The following NRG3 variants were observed in gnomAD, a reference collection of about 807,000 sequenced individuals.
NRG3 encodes the protein pro-neuregulin-3, membrane-bound isoform.
In NRG3, 31 loss-of-function variants were observed where a neutral mutation model predicts 66.9. The ratio of observed to expected loss-of-function variants is 0.46; its 90% CI spans 0.35 to 0.63. The LOEUF (loss-of-function observed/expected upper bound fraction) is 0.63. Ranked by LOEUF, NRG3 falls within the 20% of genes least tolerant of loss-of-function variation. The probability of loss-of-function intolerance (pLI) is 0.00; values close to 1 mark genes in which losing one functional copy is unlikely to be tolerated. For synonymous variants in NRG3, 393 were observed against 359.4 expected, an observed-to-expected ratio of 1.09 and a Z score of -1.06; for missense variants, 910 against 878.9, an observed-to-expected ratio of 1.04 and a Z score of -0.45.
chr10:82,441,140 T>G (rs1024500963), intron 2 of NRG3, among the ~76,000 whole-genome samples: 2 of 152,254 alleles, frequency 1.3e-5, no homozygotes, highest in African/African-American at 4.8e-5. Context: ...TTAGAAGTAA[T>G]AGTTTTATCT....
At chr10:82,655,157 T>C (rs1021216099) in intron 2 of NRG3, among the ~76,000 whole-genome samples, 4 of 151,934 alleles carry the variant, frequency 2.6e-5, no homozygotes, top group African/African-American at 9.7e-5. Context: ...TTAGAAATAG[T>C]ACAGTGAAAG....
chr10:81,899,811 A>G (rs1281403646), intron 1 of NRG3, among the ~76,000 whole-genome samples: 3 of 152,040 alleles, frequency 2.0e-5, no homozygotes, highest in Non-Finnish European at 4.4e-5. Flanking sequence ...TGGGCCTCTG[A>G]TAGTTGAATG....
chr10:81,926,673 C>A (rs1253107922), intron 1 of NRG3, among the ~76,000 whole-genome samples: 1 of 151,842 alleles, frequency 6.6e-6, no homozygotes, highest in Non-Finnish European at 1.5e-5. Context: ...ACTTATTAAC[C>A]CTGCCTTCCC....
At chr10:82,228,776 T>C (rs898105987) in intron 1 of NRG3, among the ~76,000 whole-genome samples, 1 of 152,204 alleles carries the variant, frequency 6.6e-6, no homozygotes, top group African/African-American at 2.4e-5. Context: ...GAGCCCAGTA[T>C]GCCATTTCAG....
At chr10:82,524,476 T>A (rs1043405599) in intron 2 of NRG3, among the ~76,000 whole-genome samples, 7 of 151,978 alleles carry the variant, frequency 4.6e-5, no homozygotes, top group African/African-American at 1.7e-4. Context: ...ATTTGTAAAC[T>A]GGAATCATTC....
chr10:81,936,794 G>A (rs934478922), intron 1 of NRG3, among the ~76,000 whole-genome samples: 2 of 152,038 alleles, frequency 1.3e-5, no homozygotes, highest in African/African-American at 4.8e-5. Flanking sequence ...TGAGGGTAGG[G>A]TCCAAAAGAT....
chr10:82,263,428 C>T (rs2078135189), intron 1 of NRG3, among the ~76,000 whole-genome samples: 1 of 152,146 alleles, frequency 6.6e-6, no homozygotes, highest in East Asian at 1.9e-4. Flanking sequence ...TCATTTTCTT[C>T]CAGTGTGCTA....
intron 1 of NRG3, among the ~76,000 whole-genome samples, chr10:82,101,167 G>T (rs1590113320): frequency 6.6e-6 from 1 of 151,560 alleles, no homozygotes; most frequent in East Asian, 1.9e-4. Context: ...AGGTCTCAGT[G>T]GTGTTCCTTT....
At chr10:82,734,180 T>C (rs895566678) in intron 2 of NRG3, among the ~76,000 whole-genome samples, 2 of 152,216 alleles carry the variant, frequency 1.3e-5, no homozygotes, top group African/African-American at 4.8e-5. Context: ...GCTCAATTGT[T>C]GCCTTTTAAA....
intron 2 of NRG3, among the ~76,000 whole-genome samples, chr10:82,541,353 T>C (rs182369086): frequency 6.6e-6 from 1 of 151,886 alleles, no homozygotes; most frequent in East Asian, 1.9e-4. Context: ...GGACACCGAG[T>C]TGTGGAAGGA....
chr10:82,022,709 C>T (rs1459985300), intron 1 of NRG3, among the ~76,000 whole-genome samples: 1 of 151,958 alleles, frequency 6.6e-6, no homozygotes, highest in Non-Finnish European at 1.5e-5. Flanking sequence ...AAGCTATCAA[C>T]CACTGTGGTC....
chr10:82,864,391 G>A (rs1323907335), intron 3 of NRG3, among the ~76,000 whole-genome samples: 2 of 151,990 alleles, frequency 1.3e-5, no homozygotes, highest in Middle Eastern at 3.2e-3. Flanking sequence ...TGGGTAACTA[G>A]ATGCATGTTT....
chr10:82,844,742 G>A (rs1170902081), intron 3 of NRG3, among the ~76,000 whole-genome samples: 3 of 149,414 alleles, frequency 2.0e-5, no homozygotes, highest in African/African-American at 7.4e-5. Context: ...TGAAGACAGT[G>A]TTTGCAAAAT....
chr10:82,611,614 C>T (rs1476777377), intron 2 of NRG3, among the ~76,000 whole-genome samples: 2 of 152,154 alleles, frequency 1.3e-5, no homozygotes, highest in African/African-American at 4.8e-5. Context: ...TTTTTTATGG[C>T]TGCGTAGTAT....
rs61261285 is a variant in NRG3, at chr10:82,442,784, A to ATTTTTTTTTTTTTTT, written c.953+83933_953+83947dup. On this transcript the variant is annotated intron_variant, in intron 2 of 8. Transcript: ENST00000372141. ...CACCAAAGATCTTATTTCTGTGTGGATTTTTTTTTTTTTTTTTTTTTTTTT... is the reference window on the plus strand; with the variant it reads ...CACCAAAGATCTTATTTCTGTGTGGATTTTTTTTTTTTTTTTTTTTTTTTTTTTTTTTTTTTTTTT... Among the ~76,000 whole-genome samples, 40 of 54,276 alleles carry ATTTTTTTTTTTTTTT rather than the reference A, an allele frequency of 7.4e-4. 7 individuals carry two copies. Among genetic ancestry groups the ATTTTTTTTTTTTTTT allele is most frequent in the African/African-American group, 1.9e-3 (21 of 11,008 alleles). The allele number at this position is 54,276 out of a possible 152,430, so 35.6% of individuals were successfully genotyped here.
intron 1 of NRG3, among the ~76,000 whole-genome samples, chr10:81,952,756 C>T (rs1456519809): frequency 6.6e-6 from 1 of 151,864 alleles, no homozygotes; most frequent in Non-Finnish European, 1.5e-5. Flanking sequence ...GGTGTGCATA[C>T]CCTGCCTGGC....
chr10:82,583,068 G>A (rs1392620950), intron 2 of NRG3, among the ~76,000 whole-genome samples: 1 of 152,152 alleles, frequency 6.6e-6, no homozygotes, highest in African/African-American at 2.4e-5. Context: ...GCAGTTTGGA[G>A]AAAGAAATGT....
intron 1 of NRG3, among the ~76,000 whole-genome samples, chr10:81,976,226 G>A (rs1317121429): frequency 1.3e-5 from 2 of 152,114 alleles, no homozygotes; most frequent in Non-Finnish European, 2.9e-5. Context: ...GCTTCTGTAT[G>A]TGGAAAGAAA....
At chr10:82,594,428 A>T (rs1001974575) in intron 2 of NRG3, among the ~76,000 whole-genome samples, 1 of 152,274 alleles carries the variant, frequency 6.6e-6, no homozygotes, top group Middle Eastern at 3.4e-3. Context: ...TAATTATTGG[A>T]GAAAAGTACA....
Sources: allele counts gnomAD v4.1 joint callset (sites outside exome capture counted in the v4.1 genomes callset), GRCh38; gene constraint gnomAD v4.1.1; transcripts MANE v1.5; gene names NCBI Gene and HGNC (gene_info 2026-07-23, HGNC 2026-07-21).